Variants in B4GALNT4 observed in about 807,000 individuals in gnomAD.
B4GALNT4 encodes N-acetyl-beta-glucosaminyl-glycoprotein 4-beta-N-acetylgalactosaminyltransferase 1.
B4GALNT4 carries 77 observed loss-of-function variants against 110.0 expected under a neutral mutation model. The ratio of observed to expected loss-of-function variants is 0.70; its 90% confidence interval spans 0.58 to 0.85. The LOEUF is 0.85. Ranked by LOEUF, B4GALNT4 falls within the 40% of genes least tolerant of loss-of-function variation. B4GALNT4 has a pLI of 0.00. For synonymous variants in B4GALNT4, 785 were observed against 655.5 expected, an observed-to-expected ratio of 1.20 and a Z score of -3.02; for missense variants, 1,575 against 1,506.0, an observed-to-expected ratio of 1.05 and a Z score of -0.76.
intron 14 of B4GALNT4, among the ~76,000 whole-genome samples, chr11:378,152 C>T (rs1846798935): frequency 6.6e-6 from 1 of 151,664 alleles, no homozygotes; most frequent in Non-Finnish European, 1.5e-5. Context: ...AGGTTGCGAG[C>T]AGAGCAAAGG....
At chr11:372,990 A>G (rs2119641845) in intron 4 of B4GALNT4, 36 bp from the exon 5 acceptor site, 18 of 1,556,314 alleles carry the variant, frequency 1.2e-5, no homozygotes, top group Non-Finnish European at 1.6e-5. Flanking sequence ...CAGGGCACGC[A>G]GGGGGCTTCG....
At chr11:375,583 A>C (rs1846727615) in intron 9 of B4GALNT4, 56 bp downstream of exon 9, 5 of 1,602,238 alleles carry the variant, frequency 3.1e-6, no homozygotes, top group South Asian at 2.2e-5. Flanking sequence ...TCTGGGTGTG[A>C]GTGGGAAGAG....
intron 14 of B4GALNT4, among the ~76,000 whole-genome samples, chr11:379,033 G>C (rs1396618076): frequency 6.6e-6 from 1 of 152,208 alleles, no homozygotes; most frequent in Non-Finnish European, 1.5e-5. Flanking sequence ...ACTGCTTAAG[G>C]TCCTAGAATG....
chr11:380,981 C>T (rs1364093289), intron 19 of B4GALNT4, 30 bp downstream of exon 19: 1 of 1,602,784 alleles, frequency 6.2e-7, no homozygotes, highest in South Asian at 1.1e-5. Flanking sequence ...CCAGAGGTGA[C>T]ACCCTGACCC....
intron 2 of B4GALNT4, 83 bp downstream of exon 2, chr11:372,295 C>A: frequency 7.7e-7 from 1 of 1,301,582 alleles, no homozygotes; most frequent in South Asian, 1.3e-5. Context: ...GAGAACCTGT[C>A]CATTCTGGAG....
rs1000891739 is a variant in B4GALNT4, at chr11:372,214, T to A, written c.255+2T>A. The A allele has an allele frequency of 1.9e-6, 3 of 1,549,984 alleles. No individual in the cohort carries two copies. Reference sequence around the variant, plus strand: ...GAGAGCCGTGAAGAGGAGCAAGCGGTGAGCAGAGCCCTGGGGAGAACACGT... The same window carrying A: ...GAGAGCCGTGAAGAGGAGCAAGCGGAGAGCAGAGCCCTGGGGAGAACACGT... On this transcript the variant is annotated splice_donor_variant, in intron 2 of 19. Coordinates refer to ENST00000329962, the MANE Select transcript of B4GALNT4 (RefSeq NM_178537.5). LOFTEE classifies it high-confidence loss of function.
intron 8 of B4GALNT4, 44 bp downstream of exon 8, chr11:373,872 C>T (rs1169351024): frequency 2.5e-6 from 4 of 1,581,334 alleles, no homozygotes; most frequent in African/African-American, 1.3e-5. Context: ...ACTCCACTCC[C>T]CCCACCTCCC....
At chr11:369,999 CG>C (rs1253790870) in intron 1 of B4GALNT4, 45 bp downstream of exon 1, 10,479 of 54,118 alleles carry the variant, frequency 0.19, 626 homozygotes, top group African/African-American at 0.35. Context: ...GGGGGCGGCG[CG>C]GGGGGCGCGG....
At chr11:377,391 G>A in intron 14 of B4GALNT4, 64 bp downstream of exon 14, 2 of 1,422,440 alleles carry the variant, frequency 1.4e-6, no homozygotes, top group Non-Finnish European at 1.8e-6. Flanking sequence ...GGGAGAGGAG[G>A]TCCTGGCCTT....
intron 19 of B4GALNT4, 61 bp downstream of exon 19, chr11:381,012 T>A: frequency 6.4e-7 from 1 of 1,565,850 alleles, no homozygotes; most frequent in Non-Finnish European, 8.7e-7. Flanking sequence ...CTCCTCTGAA[T>A]GGGGAAGGGG....
rs1294754820 is a variant in B4GALNT4, at chr11:376,766, C to T, written c.1643C>T (p.Pro548Leu). ...GCCCCAGCGCCGCGTGCGCCCTGGCCGCCCTTCCCTGGCGTCTTCCTGCAC... is the reference window on the plus strand; with the variant it reads ...GCCCCAGCGCCGCGTGCGCCCTGGCTGCCCTTCCCTGGCGTCTTCCTGCAC... The part of the protein sequence containing the change: ...PRAPAPRAPW[P>L]PFPGVFLHPR... Residue 548 changes from proline to leucine, a missense_variant, in exon 14 of 20, where the codon CCG becomes CTG. Coordinates refer to ENST00000329962, the MANE Select transcript of B4GALNT4 (RefSeq NM_178537.5). 4 of 1,385,954 alleles carry T rather than the reference C, an allele frequency of 2.9e-6. No individual in the cohort carries two copies. The highest frequency in any genetic ancestry group is 3.7e-6 in the Non-Finnish European group (4 of 1,073,586). 85.9% of individuals were successfully genotyped at this position (1,385,954 alleles called of 1,614,324 possible).
At chr11:376,383 C>T (rs1290381430) in intron 13 of B4GALNT4, 32 bp downstream of exon 13, 1 of 1,603,934 alleles carries the variant, frequency 6.2e-7, no homozygotes, top group Non-Finnish European at 8.5e-7. Flanking sequence ...GGCCCGCACC[C>T]ACCTGCGCAG....
Position 372,436 on chromosome 11 carries a change from C to T in B4GALNT4, c.255+224C>T, listed in dbSNP as rs575560468. Among the ~76,000 whole-genome samples, 4 of 152,042 alleles carry T rather than the reference C, an allele frequency of 2.6e-5. No homozygotes were observed. In the South Asian group the frequency reaches 8.3e-4, roughly 32 times the overall value. ...GCAGCAGGTGCATGAATGTGCCGGCCGGTCAGTGTGTGGGGTGGCCAAGCA... is the reference window on the plus strand; with the variant it reads ...GCAGCAGGTGCATGAATGTGCCGGCTGGTCAGTGTGTGGGGTGGCCAAGCA... On this transcript the variant is annotated intron_variant, in intron 2 of 19. Coordinates refer to ENST00000329962, the MANE Select transcript of B4GALNT4 (RefSeq NM_178537.5).
rs1284891176 is a variant in B4GALNT4 at position 375,452 on chromosome 11, G to T, written c.784-9G>T. ...CCTGTCCCTGACCCCCACCCTCTCTGCCCCGCAGTGGCGAGCTTTCCTGCC... is the reference window on the plus strand; with the variant it reads ...CCTGTCCCTGACCCCCACCCTCTCTTCCCCGCAGTGGCGAGCTTTCCTGCC... On this transcript the variant is annotated splice_polypyrimidine_tract_variant and intron_variant, in intron 8 of 19. Coordinates refer to ENST00000329962, the MANE Select transcript of B4GALNT4 (RefSeq NM_178537.5). 13 of 1,611,296 alleles carry T rather than the reference G, an allele frequency of 8.1e-6. No individual in the cohort carries two copies. Among genetic ancestry groups the T allele is most frequent in the Non-Finnish European group, 1.1e-5 (13 of 1,179,760 alleles).
chr11:379,909 G>T lies in B4GALNT4; in HGVS notation c.2532G>T (p.Met844Ile). Residue 844 changes from methionine (M) to isoleucine (I), a missense_variant, in exon 16 of 20, where the codon ATG becomes ATT. Met to Ile is a conservative substitution (Grantham distance 10). Coordinates refer to ENST00000329962, the MANE Select transcript of B4GALNT4 (RefSeq NM_178537.5). ...GGGTGGCACAGTTCCTGGCGGACAT[G>T]GCTGCGCTGCACGCGCGCACCGGGG... ...ARWVAQFLADMAALHARTGDS... is the reference protein window; with the variant it reads ...ARWVAQFLADIAALHARTGDS... 2.5e-6 allele frequency: 4 copies of T among 1,609,854 alleles called. No homozygotes were observed. The highest frequency in any genetic ancestry group is 2.5e-6 in the Non-Finnish European group (3 of 1,179,616).
In B4GALNT4 at chr11:379,992, G is replaced by A; in HGVS notation, c.2615G>A (p.Arg872Gln). 2 of 1,612,944 alleles carry A rather than the reference G, an allele frequency of 1.2e-6. No homozygotes were observed. Among genetic ancestry groups the A allele is most frequent in the South Asian group, 1.1e-5 (1 of 91,048 alleles). ...GAGAGCGAGGATATGGACGTGGAGC[G>A]GGCCCTGCGCGCCGCGCGCCTGCCC... The part of the protein sequence containing the change: ...DFESEDMDVE[R>Q]ALRAARLPRY... The change falls in exon 16 of 20, where the codon CGG becomes CAG. Residue 872 changes from arginine (R) to glutamine (Q), a missense_variant. Physicochemically the swap from Arg to Gln is conservative, Grantham distance 43. Transcript: ENST00000329962.
At position 373,414 on chromosome 11, in the gene B4GALNT4, C is replaced by A. The variant is rs775167824; in HGVS notation, c.637-35C>A. 1.9e-5 allele frequency: 21 copies of A among 1,111,258 alleles called. 1 individual carries two copies. In the Middle Eastern group the frequency reaches 9.2e-4, roughly 49 times the overall value. The allele number at this position is 1,111,258 out of a possible 1,614,324, so 68.8% of individuals were successfully genotyped here. A position where few individuals can be genotyped will look rare whatever the true frequency, so the allele number is the denominator to read the frequency against. ...GTCCCCAGGGAGAGAGTGAACCCCC[C>A]CCCCCACCACCACCCCTGCTCTATC... On this transcript the variant is annotated intron_variant, in intron 6 of 19. Coordinates refer to ENST00000329962, the MANE Select transcript of B4GALNT4 (RefSeq NM_178537.5).
chr11:380,562 C>A, intron 18 of B4GALNT4, 117 bp downstream of exon 18: 1 of 1,426,824 alleles, frequency 7.0e-7, no homozygotes, highest in Non-Finnish European at 9.5e-7. Context: ...TCCATCAGTG[C>A]TCCCCGTAGT....
intron 1 of B4GALNT4, among the ~76,000 whole-genome samples, chr11:371,749 C>T (rs145396372): frequency 5.4e-4 from 82 of 152,338 alleles, no homozygotes; most frequent in African/African-American, 1.8e-3. Context: ...TGGGGTCTTC[C>T]TGGAGGCAGA....
Sources: allele counts gnomAD v4.1 joint callset (sites outside exome capture counted in the v4.1 genomes callset), GRCh38; gene constraint gnomAD v4.1.1; transcripts MANE v1.5; gene names NCBI Gene and HGNC (gene_info 2026-07-23, HGNC 2026-07-21).